The following BEND4 variants were observed in gnomAD, a reference collection of about 807,000 sequenced individuals.
The protein encoded by BEND4 is BEN domain containing 4.
BEND4 carries 27 observed loss-of-function variants against 54.7 expected under a neutral mutation model. That is an observed-to-expected ratio of 0.49 (90% CI 0.36 to 0.68). The LOEUF is 0.68. BEND4 is among the 30% of genes least tolerant of loss of function. BEND4 has a pLI of 0.00. For synonymous variants in BEND4, 327 were observed against 299.5 expected (o/e 1.09, Z -0.95); for missense variants, 702 against 697.2 (o/e 1.01, Z -0.08).
intron 3 of BEND4, among the ~76,000 whole-genome samples, chr4:42,142,349 G>A (rs1353608346): frequency 1.3e-5 from 2 of 150,652 alleles, no homozygotes; most frequent in Non-Finnish European, 3.0e-5. Flanking sequence ...GGCTGGCGCA[G>A]TGGCTCATGC....
In BEND4 at chr4:42,151,924, C is replaced by T. The variant is rs1721308999; in HGVS notation, c.220G>A (p.Glu74Lys). The T allele has an allele frequency of 1.6e-6, 2 of 1,255,090 alleles. No individual in the cohort carries two copies. Among genetic ancestry groups the T allele is most frequent in the Admixed American group, 4.3e-5 (1 of 23,508 alleles). 77.7% of individuals were successfully genotyped at this position (1,255,090 alleles called of 1,614,324 possible). ...GCCTGGAACTGCTGCGGCGGCGGCT[C>T]GCTGCTGCTGATGGAGACGGCGGCG... The part of the protein sequence containing the change: ...PHAAVSISSS[E>K]PPPQQFQAQS... The change falls in exon 2 of 6, where the codon GAG becomes AAG. Residue 74 changes from glutamate to lysine, a missense_variant. Coordinates refer to ENST00000502486, the MANE Select transcript of BEND4 (RefSeq NM_207406.4).
At chr4:42,149,414 C>A (rs549069495) in intron 2 of BEND4, among the ~76,000 whole-genome samples, 1 of 152,116 alleles carries the variant, frequency 6.6e-6, no homozygotes, top group Non-Finnish European at 1.5e-5. Context: ...GGCTTTCTTC[C>A]CCCCAGACTA....
At position 42,117,356 on chromosome 4, in the gene BEND4, C is replaced by G; in HGVS notation, c.*162G>C. 2 of 586,394 alleles carry G rather than the reference C, an allele frequency of 3.4e-6. No individual in the cohort carries two copies. Among genetic ancestry groups the G allele is most frequent in the South Asian group, 4.7e-5 (2 of 42,758 alleles). 36.3% of individuals were successfully genotyped at this position (586,394 alleles called of 1,614,324 possible). ...GTCTGTTGTAGGTGCCACAGACTTC[C>G]CAAACAACCCTAAAATGGATTTCTA... On this transcript the variant is annotated 3_prime_UTR_variant, in exon 6 of 6. Coordinates refer to ENST00000502486, the MANE Select transcript of BEND4 (RefSeq NM_207406.4).
In BEND4 at chr4:42,115,950, T is replaced by TA. The variant is rs1295926389; in HGVS notation, c.*1567dup. ...CAGATCTGACAGATGACCACCTCCA[T>TA]AAACATTAAACTTTTCAATGGATGA... On this transcript the variant is annotated 3_prime_UTR_variant, in exon 6 of 6. Transcript: ENST00000502486. 3.4e-4 allele frequency: 52 copies of TA among 152,172 alleles called. 1 individual carries two copies. The highest frequency in any genetic ancestry group is 8.8e-5 in the Non-Finnish European group (6 of 68,022). The allele number at this position is 152,172 out of a possible 1,614,324, so 9.4% of individuals were successfully genotyped here. A position where few individuals can be genotyped will look rare whatever the true frequency, so the allele number is the denominator to read the frequency against.
Position 42,126,208 on chromosome 4 carries a change from G to C in BEND4, c.1055-534C>G, listed in dbSNP as rs73155304. On this transcript the variant is annotated intron_variant, in intron 3 of 5. Transcript: ENST00000502486. ...AGCACAATTCACTGAGAACTTTCAAGTCAAACTTACTCCAAGATGAATTTG... is the reference window on the plus strand; with the variant it reads ...AGCACAATTCACTGAGAACTTTCAACTCAAACTTACTCCAAGATGAATTTG... Among the ~76,000 whole-genome samples, 546 of 152,304 alleles carry C rather than the reference G, an allele frequency of 3.6e-3. 5 individuals carry two copies. Among genetic ancestry groups the C allele is most frequent in the African/African-American group, 0.012 (494 of 41,546 alleles).
At position 42,152,338 on chromosome 4, in the gene BEND4, C is replaced by T. The variant is rs1721337085; in HGVS notation, c.-195G>A. The T allele has an allele frequency of 1.1e-5, 4 of 364,324 alleles. No homozygotes were observed. The highest frequency in any genetic ancestry group is 1.9e-5 in the Non-Finnish European group (4 of 211,542). 22.6% of individuals were successfully genotyped at this position (364,324 alleles called of 1,614,324 possible). ...CGCCGAGCCCCCGCGCGGGGGGCTG[C>T]CGCCCGAGCTCCTGATTGACAGGCT... On this transcript the variant is annotated 5_prime_UTR_variant, in exon 2 of 6. Transcript: ENST00000502486.
At chr4:42,142,775 C>A (rs1178215250) in intron 3 of BEND4, among the ~76,000 whole-genome samples, 1 of 151,650 alleles carries the variant, frequency 6.6e-6, no homozygotes, top group African/African-American at 2.4e-5. Flanking sequence ...CAGGAAATGC[C>A]TCATGTTTAG....
chr4:42,122,149 G>GCC (rs1720090944), intron 4 of BEND4, among the ~76,000 whole-genome samples: 1 of 152,192 alleles, frequency 6.6e-6, no homozygotes. Flanking sequence ...CTGATGACCA[G>GCC]CCCGAAGCAC....
In BEND4 at chr4:42,143,843, C is replaced by G. The variant is rs1244426709; in HGVS notation, c.639G>C (p.Glu213Asp). ...QEGSSYNERQ[E>D]HCHIGKGVHS... is the part of the protein sequence containing the mutation. ...GGACCCCTTTCCCAATGTGACAGTG[C>G]TCCTGTCTTTCGTTGTAACTTGAGC... Residue 213 changes from glutamate (E) to aspartate (D), a missense_variant, in exon 3 of 6, where the codon GAG becomes GAC. By Grantham distance (45) the Glu-to-Asp change is conservative (BLOSUM62 2). Coordinates refer to ENST00000502486, the MANE Select transcript of BEND4 (RefSeq NM_207406.4). 1 of 1,567,272 alleles carries G rather than the reference C, an allele frequency of 6.4e-7. No homozygotes were observed. Among genetic ancestry groups the G allele is most frequent in the African/African-American group, 1.4e-5 (1 of 73,388 alleles).
In BEND4 at chr4:42,115,547, A is replaced by T. The variant is rs1231863037; in HGVS notation, c.*1971T>A. 1 of 152,260 alleles carries T rather than the reference A, an allele frequency of 6.6e-6. No individual in the cohort carries two copies. The highest frequency in any genetic ancestry group is 2.4e-5 in the African/African-American group (1 of 41,478). The allele number at this position is 152,260 out of a possible 1,614,324, so 9.4% of individuals were successfully genotyped here. ...TTGCTTTAGAAAAACAGAACGATGTATTCAGCAGTAAGGACAACTTAAGGC... is the reference window on the plus strand; with the variant it reads ...TTGCTTTAGAAAAACAGAACGATGTTTTCAGCAGTAAGGACAACTTAAGGC... On this transcript the variant is annotated 3_prime_UTR_variant, in exon 6 of 6. Coordinates refer to ENST00000502486, the MANE Select transcript of BEND4 (RefSeq NM_207406.4).
intron 5 of BEND4, 47 bp downstream of exon 5, chr4:42,120,007 G>A (rs1445017746): frequency 6.2e-7 from 1 of 1,612,050 alleles, no homozygotes; most frequent in African/African-American, 1.3e-5. Flanking sequence ...AGCCAATGCG[G>A]TGAAATGAGA....
intron 3 of BEND4, among the ~76,000 whole-genome samples, chr4:42,131,069 AG>A (rs978726220): frequency 1.3e-5 from 2 of 151,824 alleles, no homozygotes; most frequent in Admixed American, 1.3e-4. Context: ...CCTATTGGGG[AG>A]GGGGGGCAGT....
At position 42,114,515 on chromosome 4, in the gene BEND4, T is replaced by C. The variant is rs1719720446; in HGVS notation, c.*3003A>G. 1 of 152,158 alleles carries C rather than the reference T, an allele frequency of 6.6e-6. No individual in the cohort carries two copies. Among genetic ancestry groups the C allele is most frequent in the Admixed American group, 6.5e-5 (1 of 15,274 alleles). The allele number at this position is 152,158 out of a possible 1,614,324, so 9.4% of individuals were successfully genotyped here. Reference sequence around the variant, plus strand: ...TCAATCTATTTTACACTACCAATGCTAACATGACTCAAGAAGGACTCTAAA... The same window carrying C: ...TCAATCTATTTTACACTACCAATGCCAACATGACTCAAGAAGGACTCTAAA... On this transcript the variant is annotated 3_prime_UTR_variant, in exon 6 of 6. Transcript: ENST00000502486.
chr4:42,148,958 T>C (rs772722194), intron 2 of BEND4, among the ~76,000 whole-genome samples: 2 of 152,122 alleles, frequency 1.3e-5, no homozygotes, highest in Non-Finnish European at 2.9e-5. Context: ...GTTGAAAAAA[T>C]CTATTTTTAA....
chr4:42,135,018 A>G (rs1367583695), intron 3 of BEND4, among the ~76,000 whole-genome samples: 1 of 152,182 alleles, frequency 6.6e-6, no homozygotes, highest in African/African-American at 2.4e-5. Context: ...AGACTATTTG[A>G]AGCCCTTAGA....
At chr4:42,135,305 C>T (rs1720660072) in intron 3 of BEND4, among the ~76,000 whole-genome samples, 1 of 152,176 alleles carries the variant, frequency 6.6e-6, no homozygotes, top group African/African-American at 2.4e-5. Context: ...TGAATGGTGA[C>T]ACCTTTGTAA....
rs1326924416 is a variant in BEND4, at chr4:42,117,741, G to A, written c.1388-6C>T. The A allele has an allele frequency of 1.3e-6, 2 of 1,576,160 alleles. No homozygotes were observed. Among genetic ancestry groups the A allele is most frequent in the East Asian group, 4.5e-5 (2 of 43,988 alleles). On this transcript the variant is annotated splice_region_variant and splice_polypyrimidine_tract_variant and intron_variant, in intron 5 of 5. Coordinates refer to ENST00000502486, the MANE Select transcript of BEND4 (RefSeq NM_207406.4). ...ACAATGCATCCTAATGAATTCTGCA[G>A]GAATATATACAACATCAAAAAGAGA...
Position 42,114,980 on chromosome 4 carries a change from G to C in BEND4, c.*2538C>G, listed in dbSNP as rs1216169160. 2 of 152,308 alleles carry C rather than the reference G, an allele frequency of 1.3e-5. No individual in the cohort carries two copies. Among genetic ancestry groups the C allele is most frequent in the African/African-American group, 4.8e-5 (2 of 41,466 alleles). 9.4% of individuals were successfully genotyped at this position (152,308 alleles called of 1,614,324 possible). On this transcript the variant is annotated 3_prime_UTR_variant, in exon 6 of 6. Transcript: ENST00000502486. The stretch of plus-strand genomic sequence containing the variant: ...GAACCCAGCAGATACACAAACAGTA[G>C]AAGTACAATGGAATATCTCACTCAG...
rs1303625261 is a variant in BEND4 at position 42,116,655 on chromosome 4, A to C, written c.*863T>G. 2 of 152,222 alleles carry C rather than the reference A, an allele frequency of 1.3e-5. No homozygotes were observed. Among genetic ancestry groups the C allele is most frequent in the African/African-American group, 4.8e-5 (2 of 41,456 alleles). 9.4% of individuals were successfully genotyped at this position (152,222 alleles called of 1,614,324 possible). ...TCTAGTCAATTCAGCGAATACCATC[A>C]GTCACACCACTTGTTTGGTCTTCAG... On this transcript the variant is annotated 3_prime_UTR_variant, in exon 6 of 6. Transcript: ENST00000502486.
Sources: gnomAD v4.1 joint callset for allele counts (sites outside exome capture counted in the v4.1 genomes callset) on GRCh38, gnomAD v4.1.1 for gene constraint, MANE v1.5 for transcripts, NCBI Gene and HGNC (gene_info 2026-07-23, HGNC 2026-07-21) for gene names.